Variants in IGFL2 observed in about 807,000 individuals in gnomAD.
The protein encoded by IGFL2 is IGF like family member 2.
IGFL2 carries 7 observed loss-of-function variants against 13.9 expected under a neutral mutation model. That is an observed-to-expected ratio of 0.51 (90% CI 0.29 to 0.95). The LOEUF (loss-of-function observed/expected upper bound fraction) is 0.95, where lower values mean the gene tolerates loss of function less well. IGFL2 is among the 40% of genes least tolerant of loss of function. The pLI, the probability that IGFL2 is intolerant of heterozygous loss-of-function variation, is 0.08. For missense variants in IGFL2, 138 were observed against 147.8 expected, an observed-to-expected ratio of 0.93 and a Z score of 0.34; for synonymous variants, 55 against 55.8, an observed-to-expected ratio of 0.99 and a Z score of 0.07.
At chr19:46,212,251 CTG>C in the IGFL2 span, 2 of 152,324 alleles carry the variant, frequency 1.3e-5, no homozygotes, top group Non-Finnish European at 2.9e-5. Flanking sequence ...GCTGAGCACT[CTG>C]GTATTTATCA....
At chr19:46,120,317 G>A in the IGFL2 span, 1 of 1,610,826 alleles carries the variant, frequency 6.2e-7, no homozygotes, top group Non-Finnish European at 8.5e-7. Context: ...TCTGCCAGTG[G>A]AGCCTGGGGT....
At chr19:46,085,725 C>T in the IGFL2 span, among the ~76,000 whole-genome samples, 2,049 of 152,214 alleles carry the variant, frequency 0.013, 31 homozygotes, top group Middle Eastern at 0.027. Context: ...GACAGTGGGC[C>T]ATATACTTAA....
At chr19:46,114,194 G>A in the IGFL2 span, among the ~76,000 whole-genome samples, 1 of 152,108 alleles carries the variant, frequency 6.6e-6, no homozygotes, top group Non-Finnish European at 1.5e-5. Flanking sequence ...TTCTAACTTA[G>A]GAGCAACGTA....
chr19:46,187,669 G>A, the IGFL2 span, among the ~76,000 whole-genome samples: 21 of 135,570 alleles, frequency 1.5e-4, no homozygotes, highest in Non-Finnish European at 2.6e-4. Flanking sequence ...GCATTAACCC[G>A]TTTAAGCCTG....
At chr19:46,137,423 T>G in the IGFL2 span, 1 of 1,029,146 alleles carries the variant, frequency 9.7e-7, no homozygotes, top group African/African-American at 1.6e-5. Context: ...CTCGGAAGGA[T>G]GGACATTGTA....
At chr19:46,085,331 T>A in the IGFL2 span, among the ~76,000 whole-genome samples, 1 of 152,196 alleles carries the variant, frequency 6.6e-6, no homozygotes, top group African/African-American at 2.4e-5. Flanking sequence ...GTTGGGTGCA[T>A]GTGTATTTCA....
chr19:46,148,440 C>T, intron 1 of IGFL2, 143 bp downstream of exon 1: 3 of 762,472 alleles, frequency 3.9e-6, no homozygotes, highest in Non-Finnish European at 4.5e-6. Context: ...GACTGCATTG[C>T]AATCTCTCTT....
At chr19:46,157,027 G>A (rs1600930379) in intron 1 of IGFL2, among the ~76,000 whole-genome samples, 1 of 152,174 alleles carries the variant, frequency 6.6e-6, no homozygotes, top group African/African-American at 2.4e-5. Context: ...CAACTTAGAT[G>A]AAATGGACCA....
chr19:46,171,780 T>C, the IGFL2 span, among the ~76,000 whole-genome samples: 1 of 152,226 alleles, frequency 6.6e-6, no homozygotes, highest in African/African-American at 2.4e-5. Context: ...CTCACCCTGT[T>C]GAATGGCCTA....
downstream of IGFL2, among the ~76,000 whole-genome samples, chr19:46,165,125 C>A (rs138322643): frequency 6.6e-6 from 1 of 152,254 alleles, no homozygotes; most frequent in Non-Finnish European, 1.5e-5. Context: ...GAGGATGATG[C>A]CTTTGGACAA....
the IGFL2 span, among the ~76,000 whole-genome samples, chr19:46,177,134 A>C: frequency 6.6e-6 from 1 of 151,192 alleles, no homozygotes; most frequent in Non-Finnish European, 1.5e-5. Context: ...TGGTGGTGCA[A>C]ACCTGTAGTT....
the IGFL2 span, among the ~76,000 whole-genome samples, chr19:46,090,147 G>A: frequency 6.6e-6 from 1 of 151,646 alleles, no homozygotes; most frequent in East Asian, 1.9e-4. Context: ...ACTCTGTATT[G>A]CATGTAAAAT....
chr19:46,156,107 G>A (rs565144693), intron 1 of IGFL2, among the ~76,000 whole-genome samples: 114 of 152,212 alleles, frequency 7.5e-4, no homozygotes, highest in African/African-American at 2.6e-3. Flanking sequence ...GTGAGCCACC[G>A]TGCCCAACCA....
the IGFL2 span, among the ~76,000 whole-genome samples, chr19:46,090,126 C>G: frequency 1.3e-5 from 2 of 151,788 alleles, no homozygotes; most frequent in African/African-American, 4.8e-5. Context: ...TTGATTAGTT[C>G]TGCTGTTTAG....
intron 1 of IGFL2, among the ~76,000 whole-genome samples, chr19:46,156,402 T>C (rs1973825146): frequency 6.6e-6 from 1 of 152,184 alleles, no homozygotes; most frequent in South Asian, 2.1e-4. Context: ...TTGGCTTCTA[T>C]CTAGAGCCGT....
chr19:46,182,029 A>T, the IGFL2 span, among the ~76,000 whole-genome samples: 152 of 152,300 alleles, frequency 1.0e-3, 1 homozygote, highest in African/African-American at 3.3e-3. Context: ...GTGCATAAAA[A>T]TATACTCATT....
At chr19:46,081,513 T>G in the IGFL2 span, among the ~76,000 whole-genome samples, 1 of 152,200 alleles carries the variant, frequency 6.6e-6, no homozygotes, top group East Asian at 1.9e-4. Flanking sequence ...GTGTTGCAAT[T>G]CGTTATTGTG....
At chr19:46,191,790 A>C in the IGFL2 span, among the ~76,000 whole-genome samples, 3 of 152,170 alleles carry the variant, frequency 2.0e-5, no homozygotes, top group Non-Finnish European at 4.4e-5. Flanking sequence ...ATTTCATTAA[A>C]TATTAGCTCT....
chr19:46,202,249 A>AT, the IGFL2 span, among the ~76,000 whole-genome samples: 9 of 152,162 alleles, frequency 5.9e-5, no homozygotes, highest in African/African-American at 1.9e-4. Context: ...CCATTTGCCC[A>AT]TTTTTTGACA....
Sources: allele counts gnomAD v4.1 joint callset (sites outside exome capture counted in the v4.1 genomes callset), GRCh38; gene constraint gnomAD v4.1.1; transcripts MANE v1.5; gene names NCBI Gene and HGNC (gene_info 2026-07-23, HGNC 2026-07-21).